The following STAB2 variants were observed in gnomAD, a reference collection of about 807,000 sequenced individuals.
STAB2 encodes stabilin 2.
In STAB2, 288 loss-of-function variants were observed where a neutral mutation model predicts 338.1. The observed-to-expected ratio is 0.85, with a 90% CI of 0.77 to 0.94. STAB2 has a LOEUF of 0.94. STAB2 is among the 40% of genes least tolerant of loss of function. The probability of loss-of-function intolerance (pLI) is 0.00; values close to 1 mark genes in which losing one functional copy is unlikely to be tolerated. For missense variants in STAB2, 3,141 were observed against 3,210.1 expected, an observed-to-expected ratio of 0.98 and a Z score of 0.52; for synonymous variants, 1,202 against 1,193.3, an observed-to-expected ratio of 1.01 and a Z score of -0.15.
chr12:103,613,342 G>A (rs546624161), intron 3 of STAB2, among the ~76,000 whole-genome samples: 5 of 152,290 alleles, frequency 3.3e-5, no homozygotes, highest in South Asian at 2.1e-4. Flanking sequence ...CACCCAGTTC[G>A]AGCTTCCCGG....
chr12:103,709,097 T>C (rs1196286183), intron 39 of STAB2, among the ~76,000 whole-genome samples: 2 of 152,198 alleles, frequency 1.3e-5, no homozygotes, highest in Non-Finnish European at 2.9e-5. Context: ...GAAATAGCAA[T>C]TTATTCTCCT....
At chr12:103,747,525 G>A (rs1030548570) in intron 58 of STAB2, among the ~76,000 whole-genome samples, 1 of 151,664 alleles carries the variant, frequency 6.6e-6, no homozygotes, top group Non-Finnish European at 1.5e-5. Context: ...AGGAGAGGAA[G>A]GAGGCAAACC....
In STAB2 at chr12:103,733,041, C is replaced by A. The variant is rs146591807; in HGVS notation, c.5319C>A (p.Ile1773=). The change falls in exon 51 of 69, where the codon ATC becomes ATA. Residue 1773 remains isoleucine (I), a synonymous_variant. Transcript: ENST00000388887. Reference sequence around the variant, plus strand: ...TGCTGAGTGTCATCACCGATCCCATCCACACCCCAGTCACTCTCTTCTGGC... The same window carrying A: ...TGCTGAGTGTCATCACCGATCCCATACACACCCCAGTCACTCTCTTCTGGC... ...SGLLSVITDP[I]HTPVTLFWPT... is the part of the protein sequence containing the mutation. The A allele has an allele frequency of 6.2e-7, 1 of 1,614,100 alleles. No individual in the cohort carries two copies. The highest frequency in any genetic ancestry group is 2.2e-5 in the East Asian group (1 of 44,874).
chr12:103,746,181 C>G (rs924852220), intron 57 of STAB2: 4 of 165,744 alleles, frequency 2.4e-5, no homozygotes, highest in Non-Finnish European at 5.2e-5. Context: ...AATACCAAAG[C>G]TCCAGGCTTC....
rs774884545 is a variant in STAB2, at chr12:103,749,053, A to C, written c.6335A>C (p.Lys2112Thr). The change falls in exon 59 of 69, where the codon AAG becomes ACG. Residue 2112 changes from lysine to threonine, a missense_variant. Transcript: ENST00000388887. ...KGTKVSCSCQ[K>T]GYKGDGHSCT... The stretch of plus-strand genomic sequence containing the variant: ...ACGAAGGTCTCCTGCAGCTGCCAGA[A>C]GGGATACAAAGGGGACGGGCACAGC... The C allele has an allele frequency of 1.3e-5, 21 of 1,614,034 alleles. No homozygotes were observed. The South Asian group carries it at 2.0e-4, about 15-fold the overall frequency.
chr12:103,683,404 T>G, intron 26 of STAB2, 104 bp downstream of exon 26: 44 of 980,332 alleles, frequency 4.5e-5, no homozygotes, highest in Non-Finnish European at 6.0e-5. Flanking sequence ...ACAAAATCTC[T>G]TACCCCCAAA....
intron 46 of STAB2, among the ~76,000 whole-genome samples, chr12:103,726,824 T>G (rs73189901): frequency 0.033 from 4,992 of 152,124 alleles, 150 homozygotes; most frequent in Admixed American, 0.084. Context: ...TAGAAGAAAA[T>G]ATGCTCATAG....
At chr12:103,667,063 G>T (rs1320096749) in intron 19 of STAB2, among the ~76,000 whole-genome samples, 1 of 152,192 alleles carries the variant, frequency 6.6e-6, no homozygotes, top group Non-Finnish European at 1.5e-5. Flanking sequence ...AGAAATTTTT[G>T]CCTATAAGTT....
chr12:103,732,115 C>T (rs1881680790), intron 50 of STAB2, among the ~76,000 whole-genome samples: 3 of 152,078 alleles, frequency 2.0e-5, no homozygotes, highest in Non-Finnish European at 4.4e-5. Context: ...TTGATACCAG[C>T]CTGGCTAACA....
chr12:103,749,036 C>T lies in STAB2; in HGVS notation c.6318C>T (p.Val2106=). 1 of 1,614,166 alleles carries T rather than the reference C, an allele frequency of 6.2e-7. No individual in the cohort carries two copies. The highest frequency in any genetic ancestry group is 8.5e-7 in the Non-Finnish European group (1 of 1,180,032). ...VARCSQKGTK[V]SCSCQKGYKG... Reference sequence around the variant, plus strand: ...GATGCTCCCAGAAGGGCACGAAGGTCTCCTGCAGCTGCCAGAAGGGATACA... The same window carrying T: ...GATGCTCCCAGAAGGGCACGAAGGTTTCCTGCAGCTGCCAGAAGGGATACA... The change falls in exon 59 of 69, where the codon GTC becomes GTT. Residue 2106 remains valine (V), a synonymous_variant. Transcript: ENST00000388887.
At chr12:103,746,472 T>C (rs1883039400) in intron 57 of STAB2, 125 bp from the exon 58 acceptor site, 2 of 782,936 alleles carry the variant, frequency 2.6e-6, no homozygotes, top group African/African-American at 3.4e-5. Context: ...CACCCCATCT[T>C]CCTGCTGTAC....
At chr12:103,653,698 G>GGATGGATGGATA (rs1873936572) in intron 12 of STAB2, among the ~76,000 whole-genome samples, 1 of 130,880 alleles carries the variant, frequency 7.6e-6, no homozygotes, top group Non-Finnish European at 1.6e-5. Flanking sequence ...ATAGGTCACT[G>GGATGGATGGATA]GATGGATGGA....
chr12:103,758,079 AC>A, intron 63 of STAB2, 90 bp from the exon 64 acceptor site: 1 of 1,568,538 alleles, frequency 6.4e-7, no homozygotes, highest in Admixed American at 1.8e-5. Flanking sequence ...ATGAATATTC[AC>A]AGATGGGTGA....
At chr12:103,637,727 GC>G (rs1481483647) in intron 7 of STAB2, among the ~76,000 whole-genome samples, 1 of 152,144 alleles carries the variant, frequency 6.6e-6, no homozygotes, top group African/African-American at 2.4e-5. Flanking sequence ...AATTCTTAGA[GC>G]AGGGCTTAGT....
At chr12:103,705,778 T>A in intron 37 of STAB2, 51 bp downstream of exon 37, 1 of 1,550,782 alleles carries the variant, frequency 6.4e-7, no homozygotes, top group Admixed American at 1.7e-5. Context: ...ATTGGGAAAA[T>A]CCATCATATG....
rs1310135087 is a variant in STAB2, at chr12:103,699,118, A to T, written c.3605A>T (p.His1202Leu). 18 of 1,611,166 alleles carry T rather than the reference A, an allele frequency of 1.1e-5. No homozygotes were observed. The highest frequency in any genetic ancestry group is 1.4e-5 in the Non-Finnish European group (16 of 1,177,786). Residue 1202 changes from histidine to leucine, a missense_variant, in exon 34 of 69, where the codon CAT (histidine) becomes CTT (leucine). Physicochemically the swap from His to Leu is moderately conservative, Grantham distance 99. Transcript: ENST00000388887. ...LSLEEDVLRY[H>L]VVLEEKLLKN... is the part of the protein sequence containing the mutation. ...CAGGAGGAGGACGTCCTCCGGTATC[A>T]TGTGGTCCTGGAGGAGAAACTCCTG... is the stretch of plus-strand genomic sequence containing the variant.
chr12:103,640,151 A>C lies in STAB2; in HGVS notation c.935A>C (p.Gln312Pro), dbSNP rs747632593. The change falls in exon 9 of 69, where the codon CAG (glutamine) becomes CCG (proline). Residue 312 changes from glutamine (Q) to proline (P), a missense_variant. Transcript: ENST00000388887. Reference protein sequence around the residue: ...QSHCECKEHYQNFVPGVGCSM... With the variant: ...QSHCECKEHYPNFVPGVGCSM... ...CACTGCGAGTGTAAGGAGCATTACCAGAATTTCGTACCTGGAGTGGGGTGC... is the reference window on the plus strand; with the variant it reads ...CACTGCGAGTGTAAGGAGCATTACCCGAATTTCGTACCTGGAGTGGGGTGC... 1.7e-5 allele frequency: 27 copies of C among 1,613,720 alleles called. No homozygotes were observed. Among genetic ancestry groups the C allele is most frequent in the Non-Finnish European group, 2.0e-5 (24 of 1,179,712 alleles).
At chr12:103,692,678 T>A in intron 30 of STAB2, 134 bp from the exon 31 acceptor site, 1 of 627,850 alleles carries the variant, frequency 1.6e-6, no homozygotes, top group South Asian at 2.1e-5. Flanking sequence ...AAGTTAAAGG[T>A]ATTTCTTACT....
chr12:103,703,025 A>T (rs531565588), intron 34 of STAB2, 123 bp from the exon 35 acceptor site: 2 of 1,128,452 alleles, frequency 1.8e-6, no homozygotes, highest in African/African-American at 3.2e-5. Context: ...AGTGACTATT[A>T]TATCTCCAGG....
Sources: gnomAD v4.1 joint callset for allele counts (sites outside exome capture counted in the v4.1 genomes callset) on GRCh38, gnomAD v4.1.1 for gene constraint, MANE v1.5 for transcripts, NCBI Gene and HGNC (gene_info 2026-07-23, HGNC 2026-07-21) for gene names.